Variants in HHATL observed in about 807,000 individuals in gnomAD.
HHATL encodes hedgehog acyltransferase like, also known as protein-cysteine N-palmitoyltransferase HHAT-like protein.
In HHATL, 49 loss-of-function variants were observed where a neutral mutation model predicts 59.7. That is an observed-to-expected ratio of 0.82 (90% CI 0.65 to 1.04). The LOEUF (loss-of-function observed/expected upper bound fraction) is 1.04. HHATL is among the 50% of genes least tolerant of loss of function. The pLI, the probability that HHATL is intolerant of heterozygous loss-of-function variation, is 0.00. For missense variants in HHATL, 605 were observed against 650.8 expected, an observed-to-expected ratio of 0.93 and a Z score of 0.77; for synonymous variants, 238 against 257.3, an observed-to-expected ratio of 0.93 and a Z score of 0.72.
At chr3:42,693,413 T>A in intron 10 of HHATL, 195 bp from the exon 11 acceptor site, 1 of 783,376 alleles carries the variant, frequency 1.3e-6, no homozygotes. Flanking sequence ...CTGACCAACA[T>A]GGCAAGGCCC....
intron 1 of HHATL, 138 bp downstream of exon 1, chr3:42,702,441 C>T (rs1475321794): frequency 6.6e-6 from 1 of 152,614 alleles, no homozygotes; most frequent in African/African-American, 2.4e-5. Context: ...GGGGCATACC[C>T]TTTCCCCTGG....
intron 2 of HHATL, among the ~76,000 whole-genome samples, chr3:42,700,225 T>C (rs1185860773): frequency 6.7e-6 from 1 of 150,216 alleles, no homozygotes; most frequent in Non-Finnish European, 1.5e-5. Flanking sequence ...TGTGTTTGTG[T>C]GTGTGTCTGC....
chr3:42,699,164 G>C lies in HHATL; in HGVS notation c.175-19C>G, dbSNP rs758762646. 4.4e-6 allele frequency: 7 copies of C among 1,592,512 alleles called. No homozygotes were observed. The South Asian group carries it at 6.6e-5, about 15-fold the overall frequency. Reference sequence around the variant, plus strand: ...CCACATCCTGGGGCAGTCCGGGGCAGAAGGAGGTGGGGCAGGTGAGGGTGG... The same window carrying C: ...CCACATCCTGGGGCAGTCCGGGGCACAAGGAGGTGGGGCAGGTGAGGGTGG... On this transcript the variant is annotated intron_variant, in intron 3 of 11. Coordinates refer to ENST00000441594, the MANE Select transcript of HHATL (RefSeq NM_020707.4).
chr3:42,693,196 G>A lies in HHATL; in HGVS notation c.1271C>T (p.Ser424Phe), dbSNP rs372425768. The A allele has an allele frequency of 1.9e-6, 3 of 1,614,056 alleles. No homozygotes were observed. The East Asian group carries it at 6.7e-5, about 36-fold the overall frequency. ...TCCAAACAGGGCCCGGACCCTACGGGACATCTGCACTGACAGAGAGGCCTA... is the reference window on the plus strand; with the variant it reads ...TCCAAACAGGGCCCGGACCCTACGGAACATCTGCACTGACAGAGAGGCCTA... ...RIEASLSVQM[S>F]RRVRALFGAM... The change falls in exon 11 of 12, where the codon TCC becomes TTC. Residue 424 changes from serine (S) to phenylalanine (F), a missense_variant. By Grantham distance (155) the Ser-to-Phe change is radical. Coordinates refer to ENST00000441594, the MANE Select transcript of HHATL (RefSeq NM_020707.4).
At chr3:42,695,909 C>T (rs908072986) in intron 9 of HHATL, among the ~76,000 whole-genome samples, 1 of 152,158 alleles carries the variant, frequency 6.6e-6, no homozygotes, top group African/African-American at 2.4e-5. Context: ...TTGAATAATT[C>T]TTCTTAGCAT....
intron 11 of HHATL, 51 bp from the exon 12 acceptor site, chr3:42,692,926 C>G: frequency 1.3e-6 from 2 of 1,596,336 alleles, no homozygotes; most frequent in Non-Finnish European, 8.6e-7. Flanking sequence ...GCATCCTCAG[C>G]GACTTTTGTC....
rs564381176 is a variant in HHATL at position 42,693,483 on chromosome 3, C to G, written c.1248+134G>C. The G allele has an allele frequency of 2.2e-4, 187 of 839,936 alleles. 3 individuals are homozygous for G. The South Asian group carries it at 3.1e-3, about 14-fold the overall frequency. The allele number at this position is 839,936 out of a possible 1,614,324, so 52.0% of individuals were successfully genotyped here. A position where few individuals can be genotyped will look rare whatever the true frequency, so the allele number is the denominator to read the frequency against. ...CAGATTCCTACAGAGTGAGCCATTG[C>G]TCTGACAACTAAGAGGGTGGTGGTG... On this transcript the variant is annotated intron_variant, in intron 10 of 11. Transcript: ENST00000441594.
intron 5 of HHATL, 145 bp from the exon 6 acceptor site, chr3:42,698,496 C>T (rs1422880248): frequency 3.1e-6 from 3 of 964,978 alleles, no homozygotes; most frequent in African/African-American, 1.7e-5. Context: ...TTGGCCACTG[C>T]TCTATCCCAG....
intron 1 of HHATL, among the ~76,000 whole-genome samples, chr3:42,702,139 G>T (rs1395838605): frequency 1.3e-5 from 2 of 152,248 alleles, no homozygotes; most frequent in African/African-American, 4.8e-5. Context: ...CCACAGCAGA[G>T]GCTGCCAGCC....
At position 42,698,221 on chromosome 3, in the gene HHATL, G is replaced by C; in HGVS notation, c.614C>G (p.Ala205Gly). The C allele has an allele frequency of 6.2e-7, 1 of 1,614,242 alleles. No homozygotes were observed. The highest frequency in any genetic ancestry group is 8.5e-7 in the Non-Finnish European group (1 of 1,180,046). Residue 205 changes from alanine to glycine, a missense_variant, in exon 6 of 12, where the codon GCT (alanine) becomes GGT (glycine). Ala to Gly is a moderately conservative substitution (Grantham distance 60). Coordinates refer to ENST00000441594, the MANE Select transcript of HHATL (RefSeq NM_020707.4). ...GTAGAAGTTGTACTTGAGCAGGTCAGCTAAGGAGTAGTGGCGGTCAGGGTG... is the reference window on the plus strand; with the variant it reads ...GTAGAAGTTGTACTTGAGCAGGTCACCTAAGGAGTAGTGGCGGTCAGGGTG... ...CAHPDRHYSL[A>G]DLLKYNFYLP... is the part of the protein sequence containing the mutation.
At chr3:42,694,770 T>C (rs1697532461) in intron 9 of HHATL, among the ~76,000 whole-genome samples, 1 of 152,162 alleles carries the variant, frequency 6.6e-6, no homozygotes, top group Non-Finnish European at 1.5e-5. Context: ...ATCACTCAAA[T>C]CTCAATTCAA....
chr3:42,698,427 G>A (rs1370930275), intron 5 of HHATL, 76 bp from the exon 6 acceptor site: 6 of 1,376,156 alleles, frequency 4.4e-6, no homozygotes, highest in Non-Finnish European at 5.0e-6. Context: ...CCACTCCCTA[G>A]CTTCCCACAG....
intron 5 of HHATL, 150 bp from the exon 6 acceptor site, chr3:42,698,501 T>C (rs1697758660): frequency 4.2e-6 from 4 of 959,702 alleles, no homozygotes; most frequent in Non-Finnish European, 6.2e-6. Flanking sequence ...CACTGCTCTA[T>C]CCCAGCAATG....
intron 3 of HHATL, 30 bp from the exon 4 acceptor site, chr3:42,699,175 G>T: frequency 6.5e-7 from 1 of 1,545,818 alleles, no homozygotes; most frequent in South Asian, 1.1e-5. Flanking sequence ...AAGGAGGTGG[G>T]GCAGGTGAGG....
At chr3:42,700,981 C>T (rs1697952805) in intron 1 of HHATL, 142 bp from the exon 2 acceptor site, 2 of 616,666 alleles carry the variant, frequency 3.2e-6, no homozygotes, top group African/African-American at 1.8e-5. Flanking sequence ...ATCACTCTGC[C>T]TGCCCCTGTG....
chr3:42,700,416 C>G (rs1357865207), intron 2 of HHATL, among the ~76,000 whole-genome samples: 12 of 135,754 alleles, frequency 8.8e-5, no homozygotes, highest in Non-Finnish European at 1.8e-4. Context: ...GTCTAGGTCT[C>G]TGTGTGTGTG....
chr3:42,698,252 A>T lies in HHATL; in HGVS notation c.583T>A (p.Cys195Ser). Residue 195 changes from cysteine to serine, a missense_variant, in exon 6 of 12, where the codon TGT becomes AGT. Physicochemically the swap from Cys to Ser is moderately radical, Grantham distance 112. Coordinates refer to ENST00000441594, the MANE Select transcript of HHATL (RefSeq NM_020707.4). ...LRCTSFALES[C>S]AHPDRHYSLA... ...GAGTAGTGGCGGTCAGGGTGGGCAC[A>T]GCTCTCCAGTGCAAAGCTGGTGCAA... is the stretch of plus-strand genomic sequence containing the variant. 1 of 1,614,152 alleles carries T rather than the reference A, an allele frequency of 6.2e-7. No homozygotes were observed. The highest frequency in any genetic ancestry group is 8.5e-7 in the Non-Finnish European group (1 of 1,179,988).
intron 6 of HHATL, 52 bp downstream of exon 6, chr3:42,698,090 C>G (rs865904891): frequency 2.6e-6 from 4 of 1,549,936 alleles, no homozygotes; most frequent in Middle Eastern, 1.7e-4. Context: ...AAACCCCAAT[C>G]TGAAAAGGGA....
At chr3:42,697,715 GCCC>G in intron 6 of HHATL, 36 bp from the exon 7 acceptor site, 1 of 1,595,554 alleles carries the variant, frequency 6.3e-7, no homozygotes, top group Non-Finnish European at 8.6e-7. Flanking sequence ...GAAGAGGCAA[GCCC>G]TGCCTGGGGA....
Sources: gnomAD v4.1 joint callset for allele counts (sites outside exome capture counted in the v4.1 genomes callset) on GRCh38, gnomAD v4.1.1 for gene constraint, MANE v1.5 for transcripts, NCBI Gene and HGNC (gene_info 2026-07-23, HGNC 2026-07-21) for gene names.